The following USP50 variants were observed in gnomAD, a reference collection of about 807,000 sequenced individuals.
USP50 encodes ubiquitin specific peptidase 50.
A neutral mutation model predicts 39.2 loss-of-function variants in USP50; 37 were observed. The observed-to-expected ratio is 0.94, with a 90% confidence interval of 0.73 to 1.24. USP50 has a LOEUF of 1.24. Among genes scored for constraint, USP50 ranks in the 50% most tolerant of loss-of-function variants. The pLI is 0.00. For missense variants in USP50, 374 were observed against 398.2 expected, an observed-to-expected ratio of 0.94 and a Z score of 0.52; for synonymous variants, 139 against 144.5, an observed-to-expected ratio of 0.96 and a Z score of 0.27.
intron 6 of USP50, chr15:50,511,159 G>C (rs1166171818): frequency 6.6e-6 from 1 of 152,162 alleles, no homozygotes; most frequent in East Asian, 1.9e-4. Context: ...TGGAGAGAGA[G>C]CACTTGAAAA....
rs1156793198 is a variant in USP50, at chr15:50,500,782, A to T, written c.992T>A (p.Val331Asp). The change falls in exon 7 of 7, where the codon GTC becomes GAC. Residue 331 changes from valine to aspartate, a missense_variant. Physicochemically the swap from Val to Asp is radical, Grantham distance 152. Transcript: ENST00000532404. Reference protein sequence around the residue: ...GHYTAFCKNSVTQA With the variant: ...GHYTAFCKNSDTQA ...ATCAAAGCTATATCAGGCCTGGGTG[A>T]CTGAATTCTTGCAGAAAGCAGTGTA... The T allele has an allele frequency of 6.3e-7, 1 of 1,589,660 alleles. No individual in the cohort carries two copies. Among genetic ancestry groups the T allele is most frequent in the African/African-American group, 1.3e-5 (1 of 74,718 alleles).
At chr15:50,503,629 T>C (rs912726686) in intron 6 of USP50, 6 of 152,220 alleles carry the variant, frequency 3.9e-5, no homozygotes, top group African/African-American at 1.4e-4. Context: ...TTCCTGGGAA[T>C]TTGTCACCAT....
intron 6 of USP50, chr15:50,510,609 A>G (rs2141351222): frequency 6.6e-6 from 1 of 152,328 alleles, no homozygotes; most frequent in East Asian, 1.9e-4. Flanking sequence ...ATTTTGATCT[A>G]TGAAGTGTCA....
At chr15:50,510,221 T>C (rs899749732) in intron 6 of USP50, 21 of 152,140 alleles carry the variant, frequency 1.4e-4, no homozygotes, top group African/African-American at 4.8e-4. Context: ...TGAAATTGAA[T>C]CCCTAATTTA....
At chr15:50,508,462 TAAAA>T (rs764162253) in intron 6 of USP50, 36 of 152,220 alleles carry the variant, frequency 2.4e-4, no homozygotes, top group African/African-American at 7.7e-4. Context: ...TATTCTATAA[TAAAA>T]AAAGGCAGAG....
chr15:50,530,298 T>C (rs2052930155), intron 5 of USP50, among the ~76,000 whole-genome samples: 1 of 144,336 alleles, frequency 6.9e-6, no homozygotes, highest in African/African-American at 2.6e-5. Context: ...AAAAGGAACT[T>C]CTGGCCTGGC....
intron 6 of USP50, 74 bp from the exon 7 acceptor site, chr15:50,500,911 A>G (rs1167602367): frequency 2.5e-6 from 3 of 1,214,830 alleles, no homozygotes; most frequent in Non-Finnish European, 3.5e-6. Flanking sequence ...TGATAGGGCC[A>G]AGAGATGCTT....
chr15:50,543,830 A>G, intron 2 of USP50, 37 bp from the exon 3 acceptor site: 1 of 1,576,402 alleles, frequency 6.3e-7, no homozygotes, highest in Non-Finnish European at 8.6e-7. Context: ...TGGCTGATTT[A>G]ATGAAAAGAA....
intron 6 of USP50, chr15:50,514,096 T>C (rs1320566127): frequency 1.3e-5 from 2 of 152,136 alleles, no homozygotes; most frequent in Non-Finnish European, 2.9e-5. Context: ...AATGAATAAA[T>C]TACAATATAA....
downstream of USP50, chr15:50,497,027 G>A: frequency 6.5e-7 from 1 of 1,537,590 alleles, no homozygotes; most frequent in East Asian, 2.3e-5. Context: ...CTAAATAGGT[G>A]CTCTCTGACA....
At chr15:50,533,221 G>C (rs1462404537) in intron 5 of USP50, among the ~76,000 whole-genome samples, 1 of 149,480 alleles carries the variant, frequency 6.7e-6, no homozygotes, top group Non-Finnish European at 1.5e-5. Context: ...CAATATCCAG[G>C]GACTGTGGGA....
chr15:50,533,071 C>G (rs888097091), intron 5 of USP50, among the ~76,000 whole-genome samples: 6 of 151,254 alleles, frequency 4.0e-5, no homozygotes, highest in African/African-American at 7.3e-5. Flanking sequence ...TTTGGGAGAC[C>G]AAGGTGGGAG....
chr15:50,543,632 C>G lies in USP50; in HGVS notation c.410G>C (p.Cys137Ser). ...AGCTTCATGAAGTTCATTTAGGACA[C>G]AAATCAAGAATTCCTGAGCATCTTG... The part of the protein sequence containing the change: ...MQQDAQEFLI[C>S]VLNELHEALK... Residue 137 changes from cysteine (C) to serine (S), a missense_variant, in exon 3 of 7, where the codon TGT (cysteine) becomes TCT (serine). Transcript: ENST00000532404. The G allele has an allele frequency of 6.2e-7, 1 of 1,613,704 alleles. No homozygotes were observed. Among genetic ancestry groups the G allele is most frequent in the Non-Finnish European group, 8.5e-7 (1 of 1,179,768 alleles).
chr15:50,534,437 G>A (rs996092661), intron 5 of USP50, among the ~76,000 whole-genome samples: 1 of 152,144 alleles, frequency 6.6e-6, no homozygotes, highest in African/African-American at 2.4e-5. Context: ...AAGAGTGGTA[G>A]ATAAAAACAG....
At chr15:50,514,488 A>C (rs1018104920) in intron 6 of USP50, 1 of 152,212 alleles carries the variant, frequency 6.6e-6, no homozygotes, top group Non-Finnish European at 1.5e-5. Flanking sequence ...GCTTAAGCCC[A>C]GGAGTTCCAC....
intron 6 of USP50, among the ~76,000 whole-genome samples, chr15:50,516,487 G>C (rs2052804768): frequency 6.6e-6 from 1 of 152,016 alleles, no homozygotes; most frequent in South Asian, 2.1e-4. Flanking sequence ...CGTGGTGGCG[G>C]GCGCCTGTAA....
At position 50,541,229 on chromosome 15, in the gene USP50, T is replaced by C; in HGVS notation, c.480A>G (p.Gly160=). Residue 160 remains glycine (G), a synonymous_variant, in exon 4 of 7, where the codon GGA becomes GGG. Coordinates refer to ENST00000532404, the MANE Select transcript of USP50 (RefSeq NM_203494.5). ...HYSRRRSYEK[G]STQRCCRKWI... ...ACTTCCTGCAGCATCTCTGAGTAGA[T>C]CCTTTCTCATATGATCTTCTCCGGG... 1 of 1,613,958 alleles carries C rather than the reference T, an allele frequency of 6.2e-7. No homozygotes were observed. Among genetic ancestry groups the C allele is most frequent in the Non-Finnish European group, 8.5e-7 (1 of 1,179,888 alleles).
intron 6 of USP50, chr15:50,514,476 C>T (rs1163426659): frequency 6.6e-6 from 1 of 152,206 alleles, no homozygotes; most frequent in African/African-American, 2.4e-5. Context: ...GGCAGCCCGA[C>T]TGCTTAAGCC....
chr15:50,495,565 A>G (rs749628098), downstream of USP50, among the ~76,000 whole-genome samples: 93 of 151,956 alleles, frequency 6.1e-4, 1 homozygote, highest in Admixed American at 1.3e-3. Context: ...GCTTCCCAGA[A>G]TGCTGGGATT....
Sources: allele counts gnomAD v4.1 joint callset (sites outside exome capture counted in the v4.1 genomes callset), GRCh38; gene constraint gnomAD v4.1.1; transcripts MANE v1.5; gene names NCBI Gene and HGNC (gene_info 2026-07-23, HGNC 2026-07-21).